The following IGFL2 variants were observed in gnomAD, a reference collection of about 807,000 sequenced individuals.
IGFL2 encodes IGF like family member 2, also known as insulin growth factor-like family member 2.
Under a neutral mutation model 13.9 loss-of-function variants are expected in IGFL2, and 7 were observed. That is an observed-to-expected ratio of 0.51 (90% confidence interval 0.29 to 0.95). The LOEUF is 0.95. Among genes scored for constraint, IGFL2 ranks in the 40% least tolerant of loss-of-function variants. IGFL2 has a pLI of 0.08. For synonymous variants in IGFL2, 55 were observed against 55.8 expected (o/e 0.99, Z 0.07); for missense variants, 138 against 147.8 (o/e 0.93, Z 0.34).
chr19:46,211,013 G>A, the IGFL2 span, among the ~76,000 whole-genome samples: 1 of 152,196 alleles, frequency 6.6e-6, no homozygotes, highest in Non-Finnish European at 1.5e-5. Context: ...CACAGTCATT[G>A]TGTCTCTGGG....
chr19:46,200,492 TTCTTTTCTTTTCTTTTC>T, the IGFL2 span, among the ~76,000 whole-genome samples: 2 of 149,174 alleles, frequency 1.3e-5, no homozygotes, highest in African/African-American at 5.0e-5. Flanking sequence ...TTCTTTTCTT[TTCTTTTCTTTTCTTTTC>T]TCTTTTCTTT....
chr19:46,097,019 T>C, the IGFL2 span, among the ~76,000 whole-genome samples: 1 of 152,226 alleles, frequency 6.6e-6, no homozygotes, highest in Non-Finnish European at 1.5e-5. Flanking sequence ...ATCAGGATGA[T>C]GCTGGCCTCA....
At chr19:46,182,365 TAA>T in the IGFL2 span, among the ~76,000 whole-genome samples, 56 of 78,666 alleles carry the variant, frequency 7.1e-4, no homozygotes, top group African/African-American at 1.2e-3. Context: ...AGACTTTGCC[TAA>T]AAAAAAAAAA....
At chr19:46,162,089 G>A (rs1600953164), downstream of IGFL2, among the ~76,000 whole-genome samples, 4 of 152,168 alleles carry the variant, frequency 2.6e-5, no homozygotes, top group Admixed American at 2.6e-4. Context: ...AAAATTCTTG[G>A]TTGAAGACTT....
the IGFL2 span, chr19:46,207,623 C>G: frequency 1.3e-5 from 2 of 152,160 alleles, no homozygotes; most frequent in Non-Finnish European, 1.5e-5. Context: ...CTCAGATGAT[C>G]CACCCGCCTC....
the IGFL2 span, among the ~76,000 whole-genome samples, chr19:46,134,211 T>C: frequency 2.0e-5 from 3 of 152,130 alleles, no homozygotes; most frequent in South Asian, 6.2e-4. Flanking sequence ...GACCAGTTCT[T>C]GGGATTCTTT....
chr19:46,101,331 G>A, the IGFL2 span, among the ~76,000 whole-genome samples: 4 of 152,234 alleles, frequency 2.6e-5, no homozygotes, highest in African/African-American at 9.6e-5. Flanking sequence ...AGGAAAGTAA[G>A]TCTGCTGGTT....
intron 1 of IGFL2, among the ~76,000 whole-genome samples, chr19:46,154,512 C>G (rs1268740345): frequency 6.6e-6 from 1 of 152,154 alleles, no homozygotes; most frequent in Admixed American, 6.5e-5. Context: ...GGCGCGATCT[C>G]AGCTCACTGC....
At chr19:46,180,090 T>TTA in the IGFL2 span, among the ~76,000 whole-genome samples, 1 of 152,146 alleles carries the variant, frequency 6.6e-6, no homozygotes, top group Non-Finnish European at 1.5e-5. Flanking sequence ...GCAATGGAGT[T>TTA]TCGTATTCAG....
At chr19:46,181,325 A>G in the IGFL2 span, 1 of 152,226 alleles carries the variant, frequency 6.6e-6, no homozygotes, top group South Asian at 2.1e-4. Flanking sequence ...CCAGAGATTG[A>G]AGCCACATTC....
the IGFL2 span, among the ~76,000 whole-genome samples, chr19:46,105,020 G>C: frequency 6.6e-6 from 1 of 152,334 alleles, no homozygotes; most frequent in East Asian, 1.9e-4. Flanking sequence ...TGGAATGCTA[G>C]CTGCTTCTTC....
At chr19:46,200,473 CCTTTTCTTTT>C in the IGFL2 span, among the ~76,000 whole-genome samples, 1,741 of 134,268 alleles carry the variant, frequency 0.013, 16 homozygotes, top group South Asian at 0.03. Context: ...CACACCTGGC[CCTTTTCTTTT>C]CTTTTCTTTT....
intron 2 of IGFL2, 51 bp from the exon 3 acceptor site, chr19:46,160,563 G>A: frequency 6.2e-7 from 1 of 1,613,364 alleles, no homozygotes; most frequent in Non-Finnish European, 8.5e-7. Context: ...GGGGGATGTA[G>A]TGCCTGGTTA....
chr19:46,124,420 G>A, the IGFL2 span: 4 of 1,358,314 alleles, frequency 2.9e-6, no homozygotes, highest in South Asian at 3.6e-5. Flanking sequence ...TGGTTTAAAG[G>A]TGGAGATTAT....
intron 1 of IGFL2, among the ~76,000 whole-genome samples, chr19:46,149,204 T>C (rs1600898453): frequency 1.4e-5 from 2 of 146,370 alleles, no homozygotes; most frequent in Middle Eastern, 3.4e-3. Flanking sequence ...CTCCCTCTCT[T>C]TCTCTCTCCC....
At chr19:46,123,294 A>G in the IGFL2 span, among the ~76,000 whole-genome samples, 3 of 151,068 alleles carry the variant, frequency 2.0e-5, no homozygotes, top group Middle Eastern at 3.4e-3. Flanking sequence ...TTCAGATAGA[A>G]TTTAAAATTC....
the IGFL2 span, chr19:46,124,784 C>T: frequency 1.3e-6 from 1 of 747,220 alleles, no homozygotes; most frequent in Non-Finnish European, 2.4e-6. Context: ...CACCTGCAGT[C>T]TCCCAAGCAC....
the IGFL2 span, among the ~76,000 whole-genome samples, chr19:46,171,215 A>G: frequency 6.6e-6 from 1 of 152,116 alleles, no homozygotes; most frequent in Non-Finnish European, 1.5e-5. Flanking sequence ...GCCGACACTT[A>G]GGGAAAACAG....
chr19:46,165,029 G>A (rs1042351643), downstream of IGFL2, among the ~76,000 whole-genome samples: 7 of 152,192 alleles, frequency 4.6e-5, no homozygotes, highest in African/African-American at 1.7e-4. Context: ...GGGTATTGGT[G>A]TCTTTTTATT....
Sources: allele counts gnomAD v4.1 joint callset (sites outside exome capture counted in the v4.1 genomes callset), GRCh38; gene constraint gnomAD v4.1.1; transcripts MANE v1.5; gene names NCBI Gene and HGNC (gene_info 2026-07-23, HGNC 2026-07-21).